ASIC2: variants seen among roughly 807,000 people sequenced by gnomAD.
ASIC2 encodes the protein acid-sensing ion channel 2.
A neutral mutation model predicts 57.3 loss-of-function variants in ASIC2; 25 were observed. That is an observed-to-expected ratio of 0.44 (90% CI 0.32 to 0.61). The LOEUF (loss-of-function observed/expected upper bound fraction) is 0.61. Among genes scored for constraint, ASIC2 ranks in the 20% least tolerant of loss-of-function variants. The pLI is 0.06. For synonymous variants in ASIC2, 319 were observed against 307.5 expected, an observed-to-expected ratio of 1.04 and a Z score of -0.39; for missense variants, 641 against 738.1, an observed-to-expected ratio of 0.87 and a Z score of 1.52.
chr17:33,579,653 G>C (rs1005005109), intron 1 of ASIC2, among the ~76,000 whole-genome samples: 11 of 152,106 alleles, frequency 7.2e-5, no homozygotes, highest in Non-Finnish European at 1.3e-4. Flanking sequence ...CTTCCTTCTG[G>C]TGGGCTCCTG....
At chr17:33,702,620 A>C (rs1211045612) in intron 1 of ASIC2, among the ~76,000 whole-genome samples, 1 of 152,238 alleles carries the variant, frequency 6.6e-6, no homozygotes, top group African/African-American at 2.4e-5. Flanking sequence ...AAGGTGACCT[A>C]CACAATGACA....
intron 1 of ASIC2, among the ~76,000 whole-genome samples, chr17:33,600,661 G>T (rs561018038): frequency 1.3e-5 from 2 of 152,162 alleles, no homozygotes; most frequent in South Asian, 2.1e-4. Flanking sequence ...TGATGACCTT[G>T]AGTGCTAGGA....
chr17:33,703,878 A>G (rs73282716), intron 1 of ASIC2, among the ~76,000 whole-genome samples: 2 of 152,128 alleles, frequency 1.3e-5, no homozygotes, highest in African/African-American at 4.8e-5. Context: ...CTAAGCTCTG[A>G]CCTTTAGCCC....
intron 1 of ASIC2, among the ~76,000 whole-genome samples, chr17:33,839,107 A>C (rs1913352072): frequency 6.6e-6 from 1 of 152,232 alleles, no homozygotes; most frequent in South Asian, 2.1e-4. Context: ...TCTTAGAAGG[A>C]GCCATCTGAC....
intron 1 of ASIC2, among the ~76,000 whole-genome samples, chr17:33,915,815 C>T (rs1268904406): frequency 2.6e-5 from 4 of 152,152 alleles, no homozygotes; most frequent in African/African-American, 9.7e-5. Context: ...TATTGACTAG[C>T]TGAGTGAAAG....
intron 1 of ASIC2, among the ~76,000 whole-genome samples, chr17:33,501,533 G>C (rs1346455835): frequency 1.3e-5 from 2 of 152,220 alleles, no homozygotes; most frequent in East Asian, 3.8e-4. Context: ...ACCTGTTAGT[G>C]CTAAGGTCCA....
intron 1 of ASIC2, among the ~76,000 whole-genome samples, chr17:33,824,009 G>A (rs542418895): frequency 2.6e-5 from 4 of 152,098 alleles, no homozygotes; most frequent in Non-Finnish European, 5.9e-5. Flanking sequence ...TTCAAATTCA[G>A]GCAGTTTGTC....
At chr17:33,714,053 G>A (rs1419021513) in intron 1 of ASIC2, among the ~76,000 whole-genome samples, 2 of 152,108 alleles carry the variant, frequency 1.3e-5, no homozygotes, top group Non-Finnish European at 2.9e-5. Flanking sequence ...GTGGGGAGAA[G>A]TGGCTGGTAT....
chr17:33,960,641 A>C (rs1280875820), intron 1 of ASIC2, among the ~76,000 whole-genome samples: 1 of 152,036 alleles, frequency 6.6e-6, no homozygotes, highest in Non-Finnish European at 1.5e-5. Context: ...CTCCCAATTT[A>C]TATTCTGGCC....
intron 1 of ASIC2, among the ~76,000 whole-genome samples, chr17:33,810,897 G>A (rs550358861): frequency 8.2e-5 from 9 of 109,284 alleles, no homozygotes; most frequent in East Asian, 6.6e-4. Flanking sequence ...ACACACACAC[G>A]TGCATTCACA....
chr17:33,893,741 T>A (rs1008590818), intron 1 of ASIC2, among the ~76,000 whole-genome samples: 18 of 152,194 alleles, frequency 1.2e-4, no homozygotes, highest in Non-Finnish European at 2.9e-5. Context: ...TCCTTATTTA[T>A]AAAATAGATG....
At chr17:33,047,645 T>C (rs999192394) in intron 3 of ASIC2, among the ~76,000 whole-genome samples, 6 of 152,172 alleles carry the variant, frequency 3.9e-5, no homozygotes, top group Non-Finnish European at 8.8e-5. Context: ...TGGCCTTACT[T>C]TACAGCAAGT....
chr17:33,871,371 G>A (rs1351015418), intron 1 of ASIC2, among the ~76,000 whole-genome samples: 2 of 152,150 alleles, frequency 1.3e-5, no homozygotes, highest in Non-Finnish European at 2.9e-5. Flanking sequence ...AACTACCTGC[G>A]GCAAGGCAGC....
chr17:33,888,042 G>A (rs567282113), intron 1 of ASIC2, among the ~76,000 whole-genome samples: 21 of 152,230 alleles, frequency 1.4e-4, no homozygotes, highest in Middle Eastern at 6.8e-3. Context: ...ATCCTAAATC[G>A]GGGCCCATCT....
intron 1 of ASIC2, among the ~76,000 whole-genome samples, chr17:33,400,449 G>C (rs1487061963): frequency 6.6e-6 from 1 of 152,214 alleles, no homozygotes; most frequent in Non-Finnish European, 1.5e-5. Context: ...AAAGAGAAAT[G>C]TGGAGGGTGA....
intron 1 of ASIC2, among the ~76,000 whole-genome samples, chr17:34,031,133 T>C (rs1264352328): frequency 2.0e-5 from 3 of 152,130 alleles, no homozygotes; most frequent in African/African-American, 7.2e-5. Flanking sequence ...GACTGACAAT[T>C]CACATGGCCG....
intron 1 of ASIC2, among the ~76,000 whole-genome samples, chr17:34,066,388 C>T (rs1909173542): frequency 1.3e-5 from 2 of 152,120 alleles, no homozygotes; most frequent in African/African-American, 2.4e-5. Context: ...GGCCTCATGC[C>T]AGACTGATTG....
chr17:33,844,638 ATT>A (rs1378368858), intron 1 of ASIC2, among the ~76,000 whole-genome samples: 1 of 152,206 alleles, frequency 6.6e-6, no homozygotes, highest in Non-Finnish European at 1.5e-5. Flanking sequence ...TCAAAACTTT[ATT>A]TCACAGAGAT....
chr17:33,115,815 G>T (rs544502917), intron 1 of ASIC2, among the ~76,000 whole-genome samples: 2 of 152,216 alleles, frequency 1.3e-5, no homozygotes, highest in Non-Finnish European at 2.9e-5. Context: ...CTTCGAGAGG[G>T]CAGGAACTGT....
Sources: allele counts gnomAD v4.1 joint callset (sites outside exome capture counted in the v4.1 genomes callset), GRCh38; gene constraint gnomAD v4.1.1; transcripts MANE v1.5; gene names NCBI Gene and HGNC (gene_info 2026-07-23, HGNC 2026-07-21).